PTPDC1: variants seen among roughly 807,000 people sequenced by gnomAD.
PTPDC1 encodes the protein protein tyrosine phosphatase domain containing 1.
In PTPDC1, 53 loss-of-function variants were observed where a neutral mutation model predicts 75.3. That is an observed-to-expected ratio of 0.70 (90% CI 0.56 to 0.88). The LOEUF (loss-of-function observed/expected upper bound fraction) is 0.88. Ranked by LOEUF, PTPDC1 falls within the 40% of genes least tolerant of loss-of-function variation. PTPDC1 has a pLI of 0.00. For missense variants in PTPDC1, 925 were observed against 998.6 expected (o/e 0.93, Z 0.99); for synonymous variants, 349 against 366.2 (o/e 0.95, Z 0.54).
intron 1 of PTPDC1, among the ~76,000 whole-genome samples, chr9:94,063,497 G>A (rs1219805830): frequency 6.6e-6 from 1 of 152,136 alleles, no homozygotes; most frequent in South Asian, 2.1e-4. Context: ...GATACCTGGT[G>A]TGTGACATTA....
intron 8 of PTPDC1, 81 bp downstream of exon 8, chr9:94,104,466 C>A: frequency 1.1e-6 from 1 of 873,774 alleles, no homozygotes; most frequent in Non-Finnish European, 1.8e-6. Flanking sequence ...GGTCACCGTC[C>A]TCCTCTAAAA....
intron 1 of PTPDC1, chr9:94,064,713 A>C (rs1826243846): frequency 1.3e-6 from 2 of 1,595,524 alleles, no homozygotes; most frequent in Non-Finnish European, 8.6e-7. Flanking sequence ...AACTTTCAAA[A>C]AATAATTTTT....
intron 1 of PTPDC1, among the ~76,000 whole-genome samples, chr9:94,064,379 A>G (rs1322453448): frequency 6.6e-6 from 1 of 152,204 alleles, no homozygotes; most frequent in Non-Finnish European, 1.5e-5. Flanking sequence ...CATAGAAATA[A>G]CTTAATAAGT....
chr9:94,049,238 C>A (rs1158912096), intron 1 of PTPDC1, among the ~76,000 whole-genome samples: 1 of 152,258 alleles, frequency 6.6e-6, no homozygotes, highest in Admixed American at 6.5e-5. Flanking sequence ...TGAATTTGAT[C>A]CTGTCAAATT....
At chr9:94,069,823 CT>C (rs763640631) in intron 2 of PTPDC1, among the ~76,000 whole-genome samples, 1,627 of 108,186 alleles carry the variant, frequency 0.015, 4 homozygotes, top group Non-Finnish European at 0.022. Flanking sequence ...CCAATACTTT[CT>C]TTTTTTTTTT....
rs544913109 is a variant in PTPDC1, at chr9:94,035,957, C to CATTT, written c.-7+4831_-7+4834dup. On this transcript the variant is annotated intron_variant, in intron 1 of 9. Transcript: ENST00000375360. ...AGCACTTTTTCATGTACCTGTTGGC[C>CATTT]ATTTGTATGTCTTATTTGGAAAAAT... Among the ~76,000 whole-genome samples, 654 of 150,644 alleles carry CATTT rather than the reference C, an allele frequency of 4.3e-3. 4 individuals carry two copies. The highest frequency in any genetic ancestry group is 0.015 in the African/African-American group (632 of 40,936).
At position 94,095,416 on chromosome 9, in the gene PTPDC1, A is replaced by C; in HGVS notation, c.716A>C (p.Lys239Thr). The C allele has an allele frequency of 1.2e-6, 2 of 1,613,936 alleles. No individual in the cohort carries two copies. Among genetic ancestry groups the C allele is most frequent in the Non-Finnish European group, 1.7e-6 (2 of 1,179,866 alleles). Reference sequence around the variant, plus strand: ...ATGACATTTGCCTTACAGGAAGGAAAAGTAGCTATCCATTGTCATGCAGGG... The same window carrying C: ...ATGACATTTGCCTTACAGGAAGGAACAGTAGCTATCCATTGTCATGCAGGG... ...KVMTFALQEG[K>T]VAIHCHAGLG... Residue 239 changes from lysine to threonine, a missense_variant, in exon 5 of 9, where the codon AAA (lysine) becomes ACA (threonine). Lys to Thr is a moderately conservative substitution (Grantham distance 78). Coordinates refer to ENST00000620992, the MANE Select transcript of PTPDC1 (RefSeq NM_001253829.2).
intron 2 of PTPDC1, among the ~76,000 whole-genome samples, chr9:94,067,215 C>A (rs1481991522): frequency 6.6e-6 from 1 of 151,970 alleles, no homozygotes; most frequent in Non-Finnish European, 1.5e-5. Flanking sequence ...TGGTGAAACC[C>A]CATCTCTACT....
At chr9:94,096,991 A>G (rs139689729) in intron 5 of PTPDC1, among the ~76,000 whole-genome samples, 1 of 152,270 alleles carries the variant, frequency 6.6e-6, no homozygotes, top group African/African-American at 2.4e-5. Flanking sequence ...AGGAGGATAG[A>G]TGGGCCAGAT....
intron 1 of PTPDC1, among the ~76,000 whole-genome samples, chr9:94,060,026 A>G (rs758392145): frequency 3.9e-4 from 60 of 152,322 alleles, no homozygotes; most frequent in Middle Eastern, 6.8e-3. Context: ...GCACTAGAAT[A>G]TTAATAACTA....
At chr9:94,098,729 G>A (rs1160738757) in intron 6 of PTPDC1, 150 bp downstream of exon 6, 1 of 699,884 alleles carries the variant, frequency 1.4e-6, no homozygotes, top group Non-Finnish European at 2.4e-6. Flanking sequence ...CGTCTCTGAT[G>A]CGAACCTGAT....
intron 6 of PTPDC1, 51 bp downstream of exon 6, chr9:94,098,630 A>G (rs745960382): frequency 8.0e-5 from 114 of 1,430,422 alleles, no homozygotes; most frequent in Non-Finnish European, 1.1e-4. Flanking sequence ...TATTTATGTC[A>G]GGGCAAAAGT....
At chr9:94,037,835 G>A (rs1825318401) in intron 1 of PTPDC1, among the ~76,000 whole-genome samples, 1 of 152,154 alleles carries the variant, frequency 6.6e-6, no homozygotes, top group South Asian at 2.1e-4. Context: ...TATATAGTTA[G>A]CACTTTAAGT....
At chr9:94,073,231 G>C (rs929070605) in intron 2 of PTPDC1, among the ~76,000 whole-genome samples, 3 of 152,052 alleles carry the variant, frequency 2.0e-5, no homozygotes, top group Admixed American at 2.0e-4. Context: ...CATTCATCTT[G>C]GTTGAGTCTT....
intron 7 of PTPDC1, among the ~76,000 whole-genome samples, chr9:94,102,625 G>T (rs978586441): frequency 3.9e-5 from 6 of 152,036 alleles, no homozygotes; most frequent in African/African-American, 1.4e-4. Context: ...TGTTGCCCAG[G>T]CTGGAGTGCA....
intron 1 of PTPDC1, among the ~76,000 whole-genome samples, chr9:94,061,217 C>G (rs1016684474): frequency 1.3e-5 from 2 of 152,188 alleles, no homozygotes; most frequent in Non-Finnish European, 2.9e-5. Context: ...AACCTTAAAG[C>G]TCCAAAATAC....
At chr9:94,080,220 G>C (rs1375737641), upstream of PTPDC1, among the ~76,000 whole-genome samples, 1 of 152,164 alleles carries the variant, frequency 6.6e-6, no homozygotes, top group Non-Finnish European at 1.5e-5. Context: ...CAGAGGTAGT[G>C]ATGGGAGACT....
In PTPDC1 at chr9:94,099,090, CTA is replaced by C. The variant is rs545389245; in HGVS notation, c.2013+513_2013+514del. Among the ~76,000 whole-genome samples, 68 of 152,350 alleles carry C rather than the reference CTA, an allele frequency of 4.5e-4. No individual in the cohort carries two copies. In the South Asian group the frequency reaches 0.013, roughly 30 times the overall value. On this transcript the variant is annotated intron_variant, in intron 6 of 8. Transcript: ENST00000620992. ...TGCCAATCCTGCCCTAATAGGGCAA[CTA>C]TGGGAAATCAGGAGAGCAAGTGGGT...
intron 2 of PTPDC1, among the ~76,000 whole-genome samples, chr9:94,086,104 A>G (rs755603520): frequency 2.6e-5 from 4 of 152,220 alleles, no homozygotes; most frequent in Non-Finnish European, 4.4e-5. Flanking sequence ...GAATTATTTT[A>G]TACATCAAGA....
Sources: gnomAD v4.1 joint callset for allele counts (sites outside exome capture counted in the v4.1 genomes callset) on GRCh38, gnomAD v4.1.1 for gene constraint, MANE v1.5 for transcripts, NCBI Gene and HGNC (gene_info 2026-07-23, HGNC 2026-07-21) for gene names.